PARP15: variants seen among roughly 807,000 people sequenced by gnomAD.
PARP15 encodes poly(ADP-ribose) polymerase family member 15, also known as protein mono-ADP-ribosyltransferase PARP15.
In PARP15, 50 loss-of-function variants were observed where a neutral mutation model predicts 62.1. That is an observed-to-expected ratio of 0.81 (90% CI 0.64 to 1.02). The LOEUF is 1.02. Among genes scored for constraint, PARP15 ranks in the 50% least tolerant of loss-of-function variants. The probability of loss-of-function intolerance (pLI) is 0.00; values close to 1 mark genes in which losing one functional copy is unlikely to be tolerated. For synonymous variants in PARP15, 309 were observed against 293.1 expected (o/e 1.05, Z -0.55); for missense variants, 820 against 826.5 (o/e 0.99, Z 0.10).
In PARP15 at chr3:122,635,811, C is replaced by T; in HGVS notation, c.1748C>T (p.Ala583Val). ...AAGGTTTTTGTCTTTCTCTTTCCAG[C>T]TGTATCCTATGGAAAAGGAACCTAT... ...GFNRSCAGKN[A>V]VSYGKGTYFA... The change falls in exon 12 of 12, where the codon GCT becomes GTT. Residue 583 changes from alanine to valine, a missense_variant and splice_region_variant. Coordinates refer to ENST00000464300, the MANE Select transcript of PARP15 (RefSeq NM_001113523.3). 6.2e-7 allele frequency: 1 copy of T among 1,611,986 alleles called. No homozygotes were observed. The highest frequency in any genetic ancestry group is 2.2e-5 in the East Asian group (1 of 44,862).
intron 1 of PARP15, 144 bp downstream of exon 1, chr3:122,577,997 C>T: frequency 1.3e-6 from 1 of 785,356 alleles, no homozygotes; most frequent in Non-Finnish European, 1.9e-6. Flanking sequence ...ACTGACTTCC[C>T]TGTTCCGGAA....
At chr3:122,607,876 T>C (rs1935258661) in intron 2 of PARP15, among the ~76,000 whole-genome samples, 1 of 152,210 alleles carries the variant, frequency 6.6e-6, no homozygotes, top group East Asian at 1.9e-4. Flanking sequence ...ATTGCCATTG[T>C]CTACCCGTGT....
At chr3:122,603,867 G>A (rs75034053) in intron 1 of PARP15, among the ~76,000 whole-genome samples, 1,693 of 150,774 alleles carry the variant, frequency 0.011, 35 homozygotes, top group African/African-American at 0.038. Flanking sequence ...ATTTTAAACA[G>A]AAAAAAATTG....
intron 1 of PARP15, among the ~76,000 whole-genome samples, chr3:122,578,816 G>C (rs2080739381): frequency 6.6e-6 from 1 of 152,064 alleles, no homozygotes; most frequent in Admixed American, 6.5e-5. Context: ...ATATCTTTAG[G>C]TGGTGTTGAC....
intron 1 of PARP15, among the ~76,000 whole-genome samples, chr3:122,583,549 T>C (rs6785160): frequency 0.37 from 56,397 of 151,954 alleles, 10,886 homozygotes; most frequent in Admixed American, 0.46. Context: ...AATTTCACCT[T>C]GTTGAGTCCT....
At chr3:122,619,713 T>C (rs1936215646) in intron 6 of PARP15, 68 bp from the exon 7 acceptor site, 1 of 1,325,934 alleles carries the variant, frequency 7.5e-7, no homozygotes, top group Non-Finnish European at 1.1e-6. Context: ...AGAAGTCTAA[T>C]GTACAAAAAC....
chr3:122,593,090 G>GTCTGTCTATCTATCTATCTATCTA (rs1553727450), intron 1 of PARP15, among the ~76,000 whole-genome samples: 4 of 147,866 alleles, frequency 2.7e-5, no homozygotes, highest in East Asian at 4.0e-4. Context: ...AAAATTATCT[G>GTCTGTCTATCTATCTATCTATCTA]TCTATCTATC....
intron 9 of PARP15, among the ~76,000 whole-genome samples, chr3:122,629,809 C>T (rs1936958558): frequency 6.6e-6 from 1 of 152,130 alleles, no homozygotes; most frequent in African/African-American, 2.4e-5. Flanking sequence ...ATTAGGAGTG[C>T]ACAACCTAGA....
At chr3:122,622,821 T>C (rs1169102970) in intron 8 of PARP15, among the ~76,000 whole-genome samples, 2 of 152,232 alleles carry the variant, frequency 1.3e-5, no homozygotes, top group Non-Finnish European at 2.9e-5. Flanking sequence ...GTCACTCTCA[T>C]GGAAGTGAGG....
At chr3:122,589,888 C>CT (rs34826853) in intron 1 of PARP15, among the ~76,000 whole-genome samples, 1,235 of 102,002 alleles carry the variant, frequency 0.012, 41 homozygotes, top group African/African-American at 0.039. Flanking sequence ...TAAGGCATAA[C>CT]TTTTTTTTTT....
chr3:122,601,737 A>T (rs1576500303), intron 1 of PARP15, among the ~76,000 whole-genome samples: 1 of 152,348 alleles, frequency 6.6e-6, no homozygotes, highest in African/African-American at 2.4e-5. Context: ...TTCCAGAAAC[A>T]TTCATGTGCA....
chr3:122,624,666 C>T (rs190969867), intron 8 of PARP15, among the ~76,000 whole-genome samples: 46 of 152,228 alleles, frequency 3.0e-4, no homozygotes, highest in Non-Finnish European at 6.2e-4. Context: ...ACTGTTTCCC[C>T]CACTTTGACG....
intron 1 of PARP15, among the ~76,000 whole-genome samples, chr3:122,593,084 T>TTTTCTGTCTATC (rs1161750482): frequency 0.084 from 5,392 of 63,848 alleles, 105 homozygotes; most frequent in Non-Finnish European, 0.11. Flanking sequence ...AAAGATAAAA[T>TTTTCTGTCTATC]TATCTGTCTA....
Position 122,615,629 on chromosome 3 carries a change from C to T in PARP15, c.772-150C>T, listed in dbSNP as rs542708140. Reference sequence around the variant, plus strand: ...TGTGGAGAAAATTCCTAGGTTGAACCGCAATCCTTTAAGAAGTCTCTGAGG... The same window carrying T: ...TGTGGAGAAAATTCCTAGGTTGAACTGCAATCCTTTAAGAAGTCTCTGAGG... On this transcript the variant is annotated intron_variant, in intron 4 of 11. Coordinates refer to ENST00000464300, the MANE Select transcript of PARP15 (RefSeq NM_001113523.3). The T allele has an allele frequency of 1.2e-5, 18 of 1,493,338 alleles. No homozygotes were observed. The South Asian group carries it at 1.3e-4, about 11-fold the overall frequency. The allele number at this position is 1,493,338 out of a possible 1,614,324, so 92.5% of individuals were successfully genotyped here.
chr3:122,626,136 T>C (rs1268266763), intron 8 of PARP15, among the ~76,000 whole-genome samples: 3 of 151,864 alleles, frequency 2.0e-5, no homozygotes, highest in Non-Finnish European at 4.4e-5. Context: ...GTATCTTATC[T>C]AGAAGGAAGG....
chr3:122,606,600 T>C (rs1935177704), intron 2 of PARP15, among the ~76,000 whole-genome samples: 1 of 152,128 alleles, frequency 6.6e-6, no homozygotes, highest in Admixed American at 6.6e-5. Context: ...CCTATATTCC[T>C]CCTATAGTTG....
chr3:122,588,500 T>G (rs1021398957), intron 1 of PARP15, among the ~76,000 whole-genome samples: 1 of 152,138 alleles, frequency 6.6e-6, no homozygotes, highest in Non-Finnish European at 1.5e-5. Flanking sequence ...TATCTACTTT[T>G]AGAAATTTTC....
chr3:122,591,767 A>AAAAAAAG (rs1374792057), intron 1 of PARP15, among the ~76,000 whole-genome samples: 2 of 151,588 alleles, frequency 1.3e-5, no homozygotes, highest in East Asian at 3.9e-4. Flanking sequence ...TCTGTCTCAA[A>AAAAAAAG]AAAAAAAAAA....
chr3:122,609,357 A>C (rs1935400215), intron 2 of PARP15, among the ~76,000 whole-genome samples: 4 of 152,192 alleles, frequency 2.6e-5, no homozygotes, highest in Admixed American at 2.6e-4. Flanking sequence ...AGAGACATAG[A>C]CATCTTTTAA....
Sources: allele counts gnomAD v4.1 joint callset (sites outside exome capture counted in the v4.1 genomes callset), GRCh38; gene constraint gnomAD v4.1.1; transcripts MANE v1.5; gene names NCBI Gene and HGNC (gene_info 2026-07-23, HGNC 2026-07-21).